The following TBC1D22A variants were observed in gnomAD, a reference collection of about 807,000 sequenced individuals.
TBC1D22A encodes putative GTPase activator.
A neutral mutation model predicts 60.2 loss-of-function variants in TBC1D22A; 38 were observed. That is an observed-to-expected ratio of 0.63 (90% CI 0.49 to 0.83). TBC1D22A has a LOEUF of 0.83. Among genes scored for constraint, TBC1D22A ranks in the 40% least tolerant of loss-of-function variants. The pLI, the probability that TBC1D22A is intolerant of heterozygous loss-of-function variation, is 0.00. For missense variants in TBC1D22A, 628 were observed against 701.0 expected, an observed-to-expected ratio of 0.90 and a Z score of 1.18; for synonymous variants, 302 against 281.7, an observed-to-expected ratio of 1.07 and a Z score of -0.72.
chr22:46,773,038 G>T (rs2083556601), intron 1 of TBC1D22A, among the ~76,000 whole-genome samples: 1 of 152,224 alleles, frequency 6.6e-6, no homozygotes, highest in African/African-American at 2.4e-5. Context: ...CCTGCCTGTG[G>T]CTAGGACAAG....
chr22:46,956,827 G>C (rs746584086), intron 8 of TBC1D22A, among the ~76,000 whole-genome samples: 6 of 152,268 alleles, frequency 3.9e-5, no homozygotes, highest in Non-Finnish European at 8.8e-5. Context: ...TGGAGGCTTA[G>C]ATTCTAAACC....
chr22:46,883,636 T>G (rs920432337), intron 5 of TBC1D22A, among the ~76,000 whole-genome samples: 20 of 152,222 alleles, frequency 1.3e-4, no homozygotes, highest in Non-Finnish European at 2.9e-4. Context: ...GATTTTTTGT[T>G]GCCACTGAAC....
At chr22:47,157,212 G>A (rs5767546) in intron 12 of TBC1D22A, among the ~76,000 whole-genome samples, 59,847 of 152,056 alleles carry the variant, frequency 0.39, 13,369 homozygotes, top group East Asian at 0.7. Flanking sequence ...CAGAGTCACC[G>A]TGGCACACGT....
intron 11 of TBC1D22A, among the ~76,000 whole-genome samples, chr22:47,104,974 A>C (rs2065577570): frequency 6.6e-6 from 1 of 151,824 alleles, no homozygotes. Flanking sequence ...TCTTAAATGT[A>C]TTTGATTGAT....
intron 12 of TBC1D22A, among the ~76,000 whole-genome samples, chr22:47,145,715 A>G (rs1326590826): frequency 1.3e-5 from 2 of 152,164 alleles, no homozygotes; most frequent in Non-Finnish European, 2.9e-5. Flanking sequence ...TTTTCTAAGT[A>G]AGCACCTACC....
chr22:47,130,775 C>T (rs1215378455), intron 12 of TBC1D22A, among the ~76,000 whole-genome samples: 1 of 152,166 alleles, frequency 6.6e-6, no homozygotes, highest in African/African-American at 2.4e-5. Flanking sequence ...AATTAAATTC[C>T]CTGCCATATT....
chr22:47,010,014 G>A lies in TBC1D22A; in HGVS notation c.1201+12305G>A, dbSNP rs529597092. Among the ~76,000 whole-genome samples, 4 of 152,350 alleles carry A rather than the reference G, an allele frequency of 2.6e-5. No homozygotes were observed. In the South Asian group the frequency reaches 6.2e-4, roughly 24 times the overall value. Reference sequence around the variant, plus strand: ...CACTTTCACCTATAAGGAAGAAAATGCCAACAAAACGCGGTACTGGAGAAT... The same window carrying A: ...CACTTTCACCTATAAGGAAGAAAATACCAACAAAACGCGGTACTGGAGAAT... On this transcript the variant is annotated intron_variant, in intron 10 of 12. Coordinates refer to ENST00000337137, the MANE Select transcript of TBC1D22A (RefSeq NM_014346.5).
At position 47,030,524 on chromosome 22, in the gene TBC1D22A, TCTCCA is replaced by T. The variant is rs1374017413; in HGVS notation, c.1202-6546_1202-6542del. The stretch of plus-strand genomic sequence containing the variant: ...GTGTTCAACAAATATTGTGGTTGTT[TCTCCA>T]GCTTGCCAATATGACACATCTCTTC... On this transcript the variant is annotated intron_variant, in intron 10 of 12. Transcript: ENST00000337137. Among the ~76,000 whole-genome samples, 3 of 152,350 alleles carry T rather than the reference TCTCCA, an allele frequency of 2.0e-5. No individual in the cohort carries two copies. In the East Asian group the frequency reaches 5.8e-4, roughly 29 times the overall value.
At chr22:47,069,331 T>C (rs934852532) in intron 11 of TBC1D22A, among the ~76,000 whole-genome samples, 6 of 152,214 alleles carry the variant, frequency 3.9e-5, no homozygotes, top group Non-Finnish European at 7.3e-5. Context: ...TTCGTTTTAG[T>C]GTGAGTGGTG....
chr22:46,769,769 A>G (rs770856483), intron 1 of TBC1D22A, among the ~76,000 whole-genome samples: 2 of 152,070 alleles, frequency 1.3e-5, no homozygotes, highest in Non-Finnish European at 2.9e-5. Context: ...ATACTGTGAC[A>G]CTGTTTGTCA....
intron 12 of TBC1D22A, among the ~76,000 whole-genome samples, chr22:47,159,857 A>G (rs946075926): frequency 6.6e-6 from 1 of 151,500 alleles, no homozygotes; most frequent in African/African-American, 2.4e-5. Context: ...TACAGACACA[A>G]CATCCTCACA....
At position 46,777,010 on chromosome 22, in the gene TBC1D22A, G is replaced by A. The variant is rs2083734754; in HGVS notation, c.62+14162G>A. On this transcript the variant is annotated intron_variant, in intron 1 of 12. Transcript: ENST00000337137. The surrounding 1 kb of genome is among the most constrained non-coding windows in gnomAD (Gnocchi z 4.5). ...CGGTGCAACTGTCATGTTCTTCTCA[G>A]GAGCAGGGGATGGGTCAGGGCCAGG... is the stretch of plus-strand genomic sequence containing the variant. Among the ~76,000 whole-genome samples the A allele has an allele frequency of 6.6e-6, 1 of 152,158 alleles. No homozygotes were observed. The highest frequency in any genetic ancestry group is 6.5e-5 in the Admixed American group (1 of 15,278).
intron 11 of TBC1D22A, among the ~76,000 whole-genome samples, chr22:47,101,057 G>C (rs751734295): frequency 6.6e-6 from 1 of 152,172 alleles, no homozygotes; most frequent in Non-Finnish European, 1.5e-5. Flanking sequence ...CTTGGGTATT[G>C]TGCTTCAGTG....
At chr22:46,989,820 T>C (rs2148201955) in intron 9 of TBC1D22A, among the ~76,000 whole-genome samples, 1 of 151,952 alleles carries the variant, frequency 6.6e-6, no homozygotes, top group Non-Finnish European at 1.5e-5. Context: ...TTTTTTATTT[T>C]TTGACAGAGT....
chr22:46,774,352 C>A, intron 1 of TBC1D22A: 1 of 699,700 alleles, frequency 1.4e-6, no homozygotes, highest in Non-Finnish European at 1.8e-6. Context: ...GGGCCCCGTG[C>A]TGTGGGGAAC....
chr22:47,016,856 G>C (rs1056649397), intron 10 of TBC1D22A, among the ~76,000 whole-genome samples: 1 of 146,704 alleles, frequency 6.8e-6, no homozygotes, highest in African/African-American at 2.7e-5. Flanking sequence ...GCTGCTGCGT[G>C]GCTGTTGTGC....
At chr22:46,912,874 G>A (rs2070054648) in intron 8 of TBC1D22A, among the ~76,000 whole-genome samples, 2 of 152,122 alleles carry the variant, frequency 1.3e-5, no homozygotes, top group Non-Finnish European at 2.9e-5. Flanking sequence ...AATTTAAATG[G>A]ATAAGATTAA....
At position 46,871,205 on chromosome 22, in the gene TBC1D22A, C is replaced by G. The variant is rs117363852; in HGVS notation, c.638-7448C>G. ...CCTAAATGTGTATGTACCAGCTTTA[C>G]AATGCATGAAGCAAACATTGACAGC... On this transcript the variant is annotated intron_variant, in intron 4 of 12. Coordinates refer to ENST00000337137, the MANE Select transcript of TBC1D22A (RefSeq NM_014346.5). Among the ~76,000 whole-genome samples, 909 of 152,262 alleles carry G rather than the reference C, an allele frequency of 6.0e-3. 16 individuals carry two copies. Among genetic ancestry groups the G allele is most frequent in the South Asian group, 0.058 (279 of 4,824 alleles).
At chr22:46,894,399 G>A (rs887923786) in intron 6 of TBC1D22A, among the ~76,000 whole-genome samples, 2 of 152,236 alleles carry the variant, frequency 1.3e-5, no homozygotes, top group African/African-American at 4.8e-5. Flanking sequence ...GGAAGAAGCT[G>A]TCACAGCTGA....
Sources: allele counts gnomAD v4.1 joint callset (sites outside exome capture counted in the v4.1 genomes callset), GRCh38; gene constraint gnomAD v4.1.1; non-coding constraint Gnocchi (gnomAD v3.1); transcripts MANE v1.5; gene names NCBI Gene and HGNC (gene_info 2026-07-23, HGNC 2026-07-21).